Variants in SANBR observed in about 807,000 individuals in gnomAD.
SANBR encodes the protein SANT and BTB domain regulator of CSR, also known as SANT and BTB domain regulator of class switch recombination.
A neutral mutation model predicts 101.8 loss-of-function variants in SANBR; 77 were observed. The observed-to-expected ratio is 0.76, with a 90% CI of 0.63 to 0.91. The LOEUF (loss-of-function observed/expected upper bound fraction) is 0.91, where lower values mean the gene tolerates loss of function less well. Among genes scored for constraint, SANBR ranks in the 40% least tolerant of loss-of-function variants. The pLI is 0.00. For missense variants in SANBR, 875 were observed against 853.0 expected (o/e 1.03, Z -0.32); for synonymous variants, 279 against 274.7 (o/e 1.02, Z -0.15).
rs978868903 is a variant in SANBR, at chr2:61,117,279, A to G, written c.1837-78A>G. On this transcript the variant is annotated intron_variant, in intron 17 of 21. Transcript: ENST00000402291. Reference sequence around the variant, plus strand: ...GTGTCTTCACACTCAGTAAGAGTGAACTCTTTTTATTACTAACTATAGCAC... The same window carrying G: ...GTGTCTTCACACTCAGTAAGAGTGAGCTCTTTTTATTACTAACTATAGCAC... The G allele has an allele frequency of 1.5e-5, 20 of 1,321,124 alleles. No homozygotes were observed. The Admixed American group carries it at 2.7e-4, about 18-fold the overall frequency. 81.8% of individuals were successfully genotyped at this position (1,321,124 alleles called of 1,614,324 possible).
intron 16 of SANBR, 118 bp from the exon 17 acceptor site, chr2:61,115,861 T>C (rs990304715): frequency 1.7e-6 from 1 of 602,452 alleles, no homozygotes; most frequent in South Asian, 2.4e-5. Flanking sequence ...ATCCAGAGGT[T>C]AATTTGTTAG....
intron 5 of SANBR, among the ~76,000 whole-genome samples, chr2:61,076,103 C>T (rs1485701977): frequency 6.6e-6 from 1 of 151,562 alleles, no homozygotes; most frequent in Non-Finnish European, 1.5e-5. Flanking sequence ...ACACCATTCT[C>T]CTGCCTCAGC....
At chr2:61,069,123 T>A (rs893300401) in intron 2 of SANBR, 138 bp downstream of exon 2, 1 of 152,382 alleles carries the variant, frequency 6.6e-6, no homozygotes, top group Non-Finnish European at 1.5e-5. Context: ...ACCAGTGTCT[T>A]ATGTAAACAA....
intron 17 of SANBR, chr2:61,117,075 C>A: frequency 4.9e-6 from 2 of 410,970 alleles, no homozygotes; most frequent in Non-Finnish European, 8.9e-6. Flanking sequence ...AAAAAAATTG[C>A]ATAAGCTGGG....
intron 20 of SANBR, among the ~76,000 whole-genome samples, chr2:61,133,108 C>T (rs1684738387): frequency 6.6e-6 from 1 of 152,054 alleles, no homozygotes; most frequent in African/African-American, 2.4e-5. Context: ...AAAAATTAGC[C>T]GGGCATGGTG....
chr2:61,088,220 C>G lies in SANBR; in HGVS notation c.952C>G (p.Arg318Gly), dbSNP rs199876206. 10 of 1,609,004 alleles carry G rather than the reference C, an allele frequency of 6.2e-6. No homozygotes were observed. Among genetic ancestry groups the G allele is most frequent in the African/African-American group, 2.7e-5 (2 of 74,676 alleles). The change falls in exon 9 of 22, where the codon CGG (arginine) becomes GGG (glycine). Residue 318 changes from arginine (R) to glycine (G), a missense_variant. Coordinates refer to ENST00000402291, the MANE Select transcript of SANBR (RefSeq NM_001129993.3). The part of the protein sequence containing the change: ...FDPEYLNPDS[R>G]SNAATLYRCC... ...TCCTGAGTACTTGAATCCAGATTCTCGGAGTAATGCAGCAACATTGTATAG... is the reference window on the plus strand; with the variant it reads ...TCCTGAGTACTTGAATCCAGATTCTGGGAGTAATGCAGCAACATTGTATAG...
intron 13 of SANBR, among the ~76,000 whole-genome samples, chr2:61,105,959 T>C (rs1223293772): frequency 6.6e-6 from 1 of 152,138 alleles, no homozygotes; most frequent in Non-Finnish European, 1.5e-5. Flanking sequence ...CGTGACCCAC[T>C]GTGCCCAGCC....
intron 21 of SANBR, among the ~76,000 whole-genome samples, chr2:61,136,414 C>CACGA (rs1052136813): frequency 6.6e-6 from 1 of 151,624 alleles, no homozygotes; most frequent in African/African-American, 2.4e-5. Flanking sequence ...GTGGGTGGAC[C>CACGA]ACGAGGTCAG....
intron 20 of SANBR, among the ~76,000 whole-genome samples, chr2:61,132,142 A>G (rs987027229): frequency 2.0e-5 from 3 of 152,216 alleles, no homozygotes; most frequent in Non-Finnish European, 2.9e-5. Context: ...CAATAAAAGC[A>G]CAAGCAACAA....
chr2:61,131,547 T>C (rs1684689860), intron 20 of SANBR, among the ~76,000 whole-genome samples: 1 of 152,278 alleles, frequency 6.6e-6, no homozygotes, highest in African/African-American at 2.4e-5. Flanking sequence ...TCTAAATAAA[T>C]GGAAAGACAT....
At chr2:61,081,896 G>T (rs1246933129) in intron 7 of SANBR, among the ~76,000 whole-genome samples, 1 of 152,178 alleles carries the variant, frequency 6.6e-6, no homozygotes, top group Non-Finnish European at 1.5e-5. Flanking sequence ...CAATCCACCT[G>T]CCTTGGCCTC....
chr2:61,090,909 CTTTT>C (rs747161495), intron 10 of SANBR, among the ~76,000 whole-genome samples: 15 of 139,236 alleles, frequency 1.1e-4, no homozygotes, highest in Admixed American at 2.2e-4. Context: ...TTTAAAATTC[CTTTT>C]TTTTTTTTTT....
Position 61,077,258 on chromosome 2 carries a change from G to T in SANBR, c.670+100G>T, listed in dbSNP as rs1175173141. On this transcript the variant is annotated intron_variant, in intron 6 of 21. Coordinates refer to ENST00000402291, the MANE Select transcript of SANBR (RefSeq NM_001129993.3). ...AATGTGGAAAATTGTTTGGACACCGGTGTTTATGCTCATATTAGTAACAGC... is the reference window on the plus strand; with the variant it reads ...AATGTGGAAAATTGTTTGGACACCGTTGTTTATGCTCATATTAGTAACAGC... 5 of 788,150 alleles carry T rather than the reference G, an allele frequency of 6.3e-6. No homozygotes were observed. The African/African-American group carries it at 8.6e-5, about 14-fold the overall frequency. The allele number at this position is 788,150 out of a possible 1,614,324, so 48.8% of individuals were successfully genotyped here.
At chr2:61,105,764 C>T (rs1239946914) in intron 13 of SANBR, among the ~76,000 whole-genome samples, 1 of 151,990 alleles carries the variant, frequency 6.6e-6, no homozygotes, top group Admixed American at 6.6e-5. Flanking sequence ...CTCCGCCTCC[C>T]GGGTTCAAGC....
At position 61,088,441 on chromosome 2, in the gene SANBR, G is replaced by A. The variant is rs776547148; in HGVS notation, c.1061G>A (p.Arg354His). The A allele has an allele frequency of 1.1e-5, 18 of 1,607,664 alleles. 1 individual carries two copies. Among genetic ancestry groups the A allele is most frequent in the African/African-American group, 8.0e-5 (6 of 74,612 alleles). The change falls in exon 10 of 22, where the codon CGT becomes CAT. Residue 354 changes from arginine (R) to histidine (H), a missense_variant. By Grantham distance (29) the Arg-to-His change is conservative. Coordinates refer to ENST00000402291, the MANE Select transcript of SANBR (RefSeq NM_001129993.3). ...CCTGGAAAAATCAATGTGGATCGAC[G>A]TGGAAATATTGTCTATATTCACATA... ...CIPGKINVDR[R>H]GNIVYIHIRD... is the part of the protein sequence containing the mutation.
chr2:61,075,562 G>A (rs1327184543), intron 5 of SANBR, among the ~76,000 whole-genome samples: 3 of 152,120 alleles, frequency 2.0e-5, no homozygotes, highest in East Asian at 1.9e-4. Flanking sequence ...CCCAGCCGAC[G>A]TAATTTTCAA....
At chr2:61,074,588 G>C (rs1258018374) in intron 5 of SANBR, among the ~76,000 whole-genome samples, 2 of 151,818 alleles carry the variant, frequency 1.3e-5, no homozygotes, top group Non-Finnish European at 2.9e-5. Context: ...ATTTTTAGTA[G>C]AGATGGACTT....
intron 7 of SANBR, 116 bp from the exon 8 acceptor site, chr2:61,083,038 T>G (rs1468265235): frequency 1.2e-6 from 1 of 801,570 alleles, no homozygotes; most frequent in Non-Finnish European, 2.0e-6. Context: ...CAAAACCCAG[T>G]TAGTGCCTAG....
chr2:61,117,349 T>G lies in SANBR; in HGVS notation c.1837-8T>G. On this transcript the variant is annotated splice_region_variant and splice_polypyrimidine_tract_variant and intron_variant, in intron 17 of 21. Coordinates refer to ENST00000402291, the MANE Select transcript of SANBR (RefSeq NM_001129993.3). ...AATTGGGCCTTAATGTTGTCTACTT[T>G]TTTTTAGTCAGCTTCTAGAGATGTG... The G allele has an allele frequency of 6.2e-7, 1 of 1,613,384 alleles. No homozygotes were observed. Among genetic ancestry groups the G allele is most frequent in the Non-Finnish European group, 8.5e-7 (1 of 1,179,396 alleles).
Sources: gnomAD v4.1 joint callset for allele counts (sites outside exome capture counted in the v4.1 genomes callset) on GRCh38, gnomAD v4.1.1 for gene constraint, MANE v1.5 for transcripts, NCBI Gene and HGNC (gene_info 2026-07-23, HGNC 2026-07-21) for gene names.